Variants in PCDH9 observed in about 807,000 individuals in gnomAD.
PCDH9 encodes protocadherin 9.
In PCDH9, 24 loss-of-function variants were observed where a neutral mutation model predicts 70.6. The observed-to-expected ratio is 0.34, with a 90% CI of 0.25 to 0.48. The LOEUF (loss-of-function observed/expected upper bound fraction) is 0.48, where lower values mean the gene tolerates loss of function less well. PCDH9 is among the 20% of genes least tolerant of loss of function. The pLI is 0.99. For missense variants in PCDH9, 1,281 were observed against 1,503.6 expected (o/e 0.85, Z 2.45); for synonymous variants, 562 against 558.5 (o/e 1.01, Z -0.09).
intron 3 of PCDH9, among the ~76,000 whole-genome samples, chr13:66,811,565 T>TCCTC (rs901463292): frequency 9.2e-5 from 14 of 151,480 alleles, no homozygotes; most frequent in South Asian, 2.1e-4. Flanking sequence ...TTTGATTCAT[T>TCCTC]CCTCCCTCCC....
chr13:66,556,814 GACAAAAGAGTACATTATTTCATA>G (rs1176354507), intron 4 of PCDH9, among the ~76,000 whole-genome samples: 3 of 151,994 alleles, frequency 2.0e-5, no homozygotes, highest in African/African-American at 7.2e-5. Context: ...CCCTCTTTGA[GACAAAAGAGTACATTATTTCATA>G]ACAAAAAGGG....
At chr13:66,997,229 G>T (rs1474400042) in intron 2 of PCDH9, among the ~76,000 whole-genome samples, 1 of 152,188 alleles carries the variant, frequency 6.6e-6, no homozygotes, top group Non-Finnish European at 1.5e-5. Flanking sequence ...TGGTTCTACA[G>T]GCTGGACAGG....
chr13:66,816,757 T>C (rs1446747229), intron 3 of PCDH9, among the ~76,000 whole-genome samples: 9 of 152,012 alleles, frequency 5.9e-5, no homozygotes, highest in Admixed American at 5.2e-4. Context: ...CCGTCTCTAC[T>C]AAAAATACAA....
At chr13:67,162,954 C>A (rs979482962) in intron 2 of PCDH9, among the ~76,000 whole-genome samples, 7 of 152,084 alleles carry the variant, frequency 4.6e-5, no homozygotes, top group African/African-American at 1.7e-4. Context: ...CATGTATGTA[C>A]TTTTGCAGCT....
chr13:66,472,723 G>A (rs995405694), intron 4 of PCDH9, among the ~76,000 whole-genome samples: 1 of 152,032 alleles, frequency 6.6e-6, no homozygotes, highest in Non-Finnish European at 1.5e-5. Flanking sequence ...CCAGTTAAGA[G>A]TTTTGTACAT....
rs751938464 is a variant in PCDH9, at chr13:66,304,787, G to A, written c.3582C>T (p.Asp1194=). Residue 1194 remains aspartate (D), a synonymous_variant, in exon 5 of 5, where the codon GAC becomes GAT. Coordinates refer to ENST00000377865, the MANE Select transcript of PCDH9 (RefSeq NM_203487.3). ...KEDSNRNQFN[D]RKQYGSNEGH... is the part of the protein sequence containing the mutation. ...CTTCATTGGAGCCATACTGCTTACG[G>A]TCATTGAACTGGTTCCTGTTGCTGT... 3 of 1,613,372 alleles carry A rather than the reference G, an allele frequency of 1.9e-6. No homozygotes were observed. The highest frequency in any genetic ancestry group is 2.2e-5 in the East Asian group (1 of 44,858).
intron 2 of PCDH9, among the ~76,000 whole-genome samples, chr13:67,145,553 A>G (rs1378485553): frequency 6.6e-6 from 1 of 151,986 alleles, no homozygotes; most frequent in African/African-American, 2.4e-5. Flanking sequence ...TATAATCCAC[A>G]TTATAGTTTA....
chr13:67,192,596 G>T (rs1016635446), intron 2 of PCDH9, among the ~76,000 whole-genome samples: 2 of 152,148 alleles, frequency 1.3e-5, no homozygotes, highest in African/African-American at 4.8e-5. Context: ...AATTAGGGGG[G>T]TGGTATTAGA....
chr13:66,749,343 C>T (rs2139222101), intron 3 of PCDH9, among the ~76,000 whole-genome samples: 1 of 152,260 alleles, frequency 6.6e-6, no homozygotes, highest in South Asian at 2.1e-4. Context: ...AATCCATCTG[C>T]ACCCTCTTGC....
At chr13:66,631,833 G>T (rs1421074879) in intron 3 of PCDH9, among the ~76,000 whole-genome samples, 1 of 152,116 alleles carries the variant, frequency 6.6e-6, no homozygotes, top group Non-Finnish European at 1.5e-5. Flanking sequence ...GTGCTTACTT[G>T]ATGTTTTTAG....
chr13:66,939,424 A>ATGTGTGTGTG (rs57997772), intron 2 of PCDH9, among the ~76,000 whole-genome samples: 1,587 of 148,074 alleles, frequency 0.011, 17 homozygotes, highest in Middle Eastern at 0.038. Flanking sequence ...TTTAAAATAT[A>ATGTGTGTGTG]TGTGTGTGTG....
chr13:66,551,865 G>A (rs9540811), intron 4 of PCDH9, among the ~76,000 whole-genome samples: 145,332 of 152,226 alleles, frequency 0.95, 69,757 homozygotes, highest in East Asian at 1. Context: ...ATATTTGCTT[G>A]TTCATTTTTT....
intron 3 of PCDH9, among the ~76,000 whole-genome samples, chr13:66,775,496 T>G (rs1394527463): frequency 1.3e-5 from 2 of 152,148 alleles, no homozygotes; most frequent in African/African-American, 4.8e-5. Context: ...GATTTCCTTT[T>G]GCCTCTGCCA....
chr13:66,649,907 T>G (rs1473763499), intron 3 of PCDH9, among the ~76,000 whole-genome samples: 1 of 151,862 alleles, frequency 6.6e-6, no homozygotes, highest in Non-Finnish European at 1.5e-5. Context: ...TTATCATTAT[T>G]TTACAATAAT....
chr13:67,042,591 TTTA>T (rs1054245385), intron 2 of PCDH9, among the ~76,000 whole-genome samples: 1 of 152,228 alleles, frequency 6.6e-6, no homozygotes, highest in Non-Finnish European at 1.5e-5. Context: ...AATTTTCTTT[TTTA>T]ACAAGTTGAG....
chr13:67,168,223 G>T (rs2088176888), intron 2 of PCDH9, among the ~76,000 whole-genome samples: 1 of 152,102 alleles, frequency 6.6e-6, no homozygotes, highest in African/African-American at 2.4e-5. Flanking sequence ...TAAGATATCT[G>T]ATTTTAAAAT....
chr13:66,935,205 C>T lies in PCDH9; in HGVS notation c.3037-31600G>A, dbSNP rs183120019. 5.1e-3 allele frequency among the ~76,000 whole-genome samples: 773 copies of T among 152,156 alleles called. 4 individuals are homozygous for T. Among genetic ancestry groups the T allele is most frequent in the Admixed American group, 0.011 (165 of 15,276 alleles). ...CCTCCTGAGTAGCTGGGACTACAGG[C>T]ATGCACCATGCCTGACTATTTTTTA... On this transcript the variant is annotated intron_variant, in intron 2 of 4. Coordinates refer to ENST00000377865, the MANE Select transcript of PCDH9 (RefSeq NM_203487.3).
chr13:66,728,418 C>T (rs771051573), intron 3 of PCDH9, among the ~76,000 whole-genome samples: 3 of 152,028 alleles, frequency 2.0e-5, no homozygotes, highest in African/African-American at 7.2e-5. Context: ...AAAATGTATC[C>T]GTTTCCGAAT....
At chr13:66,749,453 G>A (rs2079424026) in intron 3 of PCDH9, among the ~76,000 whole-genome samples, 1 of 152,110 alleles carries the variant, frequency 6.6e-6, no homozygotes, top group Non-Finnish European at 1.5e-5. Context: ...TTTCCTCAGA[G>A]TAACTCTATG....
Sources: allele counts gnomAD v4.1 joint callset (sites outside exome capture counted in the v4.1 genomes callset), GRCh38; gene constraint gnomAD v4.1.1; transcripts MANE v1.5; gene names NCBI Gene and HGNC (gene_info 2026-07-23, HGNC 2026-07-21).